EYS: variants seen among roughly 807,000 people sequenced by gnomAD.
The protein encoded by EYS is EGF-like photoreceptor maintenance factor, also known as protein eyes shut homolog.
In EYS, 250 loss-of-function variants were observed where a neutral mutation model predicts 282.1. That is an observed-to-expected ratio of 0.89 (90% CI 0.80 to 0.98). The LOEUF (loss-of-function observed/expected upper bound fraction) is 0.98. Ranked by LOEUF, EYS falls within the 50% of genes least tolerant of loss-of-function variation. EYS has a pLI of 0.00. For synonymous variants in EYS, 1,355 were observed against 1,282.9 expected, an observed-to-expected ratio of 1.06 and a Z score of -1.20; for missense variants, 4,016 against 3,709.0, an observed-to-expected ratio of 1.08 and a Z score of -2.15.
intron 12 of EYS, among the ~76,000 whole-genome samples, chr6:65,271,138 A>ATATATATATATATATATATATG (rs1767890699): frequency 8.5e-6 from 1 of 117,978 alleles, no homozygotes; most frequent in Non-Finnish European, 1.9e-5. Context: ...TTATATATAT[A>ATATATATATATATATATATATG]TATATATATA....
chr6:64,441,512 G>T (rs142475170), intron 26 of EYS, among the ~76,000 whole-genome samples: 164 of 152,264 alleles, frequency 1.1e-3, no homozygotes, highest in Non-Finnish European at 1.8e-3. Context: ...TCAAAGGAAT[G>T]GCTATCAAGA....
At chr6:64,572,726 A>T (rs1765765305) in intron 26 of EYS, among the ~76,000 whole-genome samples, 1 of 152,108 alleles carries the variant, frequency 6.6e-6, no homozygotes, top group African/African-American at 2.4e-5. Flanking sequence ...TATGTGAAGG[A>T]CCTCTTCAAG....
chr6:65,529,149 A>C (rs978459378), intron 2 of EYS, among the ~76,000 whole-genome samples: 23 of 152,102 alleles, frequency 1.5e-4, no homozygotes, highest in African/African-American at 5.6e-4. Context: ...TAAAAAAAAA[A>C]ATAGTATGGG....
At chr6:63,820,118 ATCT>A (rs1427267277) in intron 36 of EYS, among the ~76,000 whole-genome samples, 1 of 152,128 alleles carries the variant, frequency 6.6e-6, no homozygotes, top group African/African-American at 2.4e-5. Context: ...AGTGCATATA[ATCT>A]TCTTGAATTC....
intron 2 of EYS, among the ~76,000 whole-genome samples, chr6:65,573,844 G>T (rs1412490020): frequency 6.6e-6 from 1 of 152,130 alleles, no homozygotes; most frequent in Non-Finnish European, 1.5e-5. Context: ...ACTATTTCAT[G>T]AGTATACTGT....
At chr6:64,702,678 A>G (rs2149925551) in intron 22 of EYS, among the ~76,000 whole-genome samples, 1 of 152,266 alleles carries the variant, frequency 6.6e-6, no homozygotes, top group East Asian at 1.9e-4. Flanking sequence ...AGTGCCATAA[A>G]AAGAATACAA....
chr6:65,026,767 A>C (rs1022935630), intron 13 of EYS, among the ~76,000 whole-genome samples: 1 of 152,036 alleles, frequency 6.6e-6, no homozygotes, highest in Non-Finnish European at 1.5e-5. Context: ...AATACAAAAA[A>C]TTAGCTGGGC....
At chr6:64,419,251 T>G (rs1335153534) in intron 28 of EYS, among the ~76,000 whole-genome samples, 1 of 152,128 alleles carries the variant, frequency 6.6e-6, no homozygotes, top group Non-Finnish European at 1.5e-5. Context: ...ATCATGAGAA[T>G]AGCATGAGGG....
At chr6:64,439,664 TTTC>T (rs1309415422) in intron 26 of EYS, among the ~76,000 whole-genome samples, 4 of 152,016 alleles carry the variant, frequency 2.6e-5, no homozygotes, top group Admixed American at 6.6e-5. Flanking sequence ...TATGTACTTA[TTTC>T]TTCTTTATAT....
chr6:64,997,665 C>T lies in EYS; in HGVS notation c.2176G>A (p.Val726Ile). ...GFSCLCNPGY[V>I]GIRCEQDIDD... ...ATGTCCTGTTCACATCTTATCCCAA[C>T]ATAGCCTGGATTGCATAAGCAGGAA... The change falls in exon 14 of 43, where the codon GTT becomes ATT. Residue 726 changes from valine (V) to isoleucine (I), a missense_variant. Val to Ile is a conservative substitution (Grantham distance 29). Coordinates refer to ENST00000503581, the MANE Select transcript of EYS (RefSeq NM_001142800.2). 7 of 1,551,192 alleles carry T rather than the reference C, an allele frequency of 4.5e-6. No homozygotes were observed. The highest frequency in any genetic ancestry group is 6.1e-6 in the Non-Finnish European group (7 of 1,146,618).
intron 33 of EYS, among the ~76,000 whole-genome samples, chr6:64,041,011 G>A (rs1052449567): frequency 6.6e-6 from 1 of 152,106 alleles, no homozygotes; most frequent in Admixed American, 6.6e-5. Context: ...TCAAGAGAAG[G>A]TATTCAGTTA....
At chr6:65,473,000 C>G (rs562919447) in intron 5 of EYS, among the ~76,000 whole-genome samples, 3 of 151,984 alleles carry the variant, frequency 2.0e-5, no homozygotes, top group African/African-American at 7.2e-5. Flanking sequence ...TAGTCTACTT[C>G]TATCAAGTAA....
chr6:64,411,887 A>G (rs947951143), intron 28 of EYS, among the ~76,000 whole-genome samples: 1 of 82,142 alleles, frequency 1.2e-5, no homozygotes, highest in East Asian at 6.3e-4. Context: ...TGTAATATAT[A>G]CACATATATA....
chr6:65,696,102 G>T (rs1246386196), intron 1 of EYS, among the ~76,000 whole-genome samples: 3 of 151,902 alleles, frequency 2.0e-5, no homozygotes, highest in Non-Finnish European at 4.4e-5. Flanking sequence ...CAAAACAAAA[G>T]TTCCTCTGCC....
chr6:64,391,755 G>A (rs552924395), intron 28 of EYS, among the ~76,000 whole-genome samples: 373 of 152,004 alleles, frequency 2.5e-3, no homozygotes, highest in Admixed American at 6.0e-3. Flanking sequence ...ATAATGACAG[G>A]ATCAAATTCA....
intron 22 of EYS, among the ~76,000 whole-genome samples, chr6:64,788,665 G>A (rs151294309): frequency 3.3e-5 from 5 of 152,134 alleles, no homozygotes; most frequent in East Asian, 1.9e-4. Flanking sequence ...GGCAGCAAGC[G>A]TCTCCAATTC....
chr6:64,345,598 CT>C (rs1487602194), intron 29 of EYS, among the ~76,000 whole-genome samples: 3 of 151,558 alleles, frequency 2.0e-5, no homozygotes, highest in Non-Finnish European at 4.4e-5. Context: ...CATAAAAACC[CT>C]AGAAGAAAAC....
intron 28 of EYS, among the ~76,000 whole-genome samples, chr6:64,435,816 C>T (rs537181572): frequency 6.3e-4 from 96 of 151,812 alleles, no homozygotes; most frequent in South Asian, 3.7e-3. Flanking sequence ...TAATTTCCTT[C>T]TTTATGCTTT....
chr6:63,785,840 C>G (rs1770347381), intron 39 of EYS, among the ~76,000 whole-genome samples: 1 of 151,974 alleles, frequency 6.6e-6, no homozygotes, highest in Admixed American at 6.6e-5. Flanking sequence ...AAATCCCTGT[C>G]TCTAATAAAA....
Sources: allele counts gnomAD v4.1 joint callset (sites outside exome capture counted in the v4.1 genomes callset), GRCh38; gene constraint gnomAD v4.1.1; transcripts MANE v1.5; gene names NCBI Gene and HGNC (gene_info 2026-07-23, HGNC 2026-07-21).